GAB4: variants seen among roughly 807,000 people sequenced by gnomAD.
The protein encoded by GAB4 is GRB2 associated binding protein family member 4, also known as GRB2-associated-binding protein 4.
Under a neutral mutation model 51.3 loss-of-function variants are expected in GAB4, and 26 were observed. The ratio of observed to expected loss-of-function variants is 0.51; its 90% CI spans 0.37 to 0.70. The LOEUF is 0.70. GAB4 is among the 30% of genes least tolerant of loss of function. The pLI is 0.00. For missense variants in GAB4, 759 were observed against 734.6 expected (o/e 1.03, Z -0.38); for synonymous variants, 329 against 291.2 (o/e 1.13, Z -1.32).
chr22:16,993,350 A>T (rs1015880751), intron 1 of GAB4, among the ~76,000 whole-genome samples: 6 of 152,146 alleles, frequency 3.9e-5, no homozygotes, highest in African/African-American at 1.4e-4. Context: ...TATTATGCAA[A>T]CAAACTCGAA....
chr22:17,008,190 C>T lies in GAB4; in HGVS notation c.-76G>A, dbSNP rs1488262023. On this transcript the variant is annotated 5_prime_UTR_variant, in exon 1 of 10. Transcript: ENST00000400588. Reference sequence around the variant, plus strand: ...GCTGGAGGTGGGGTGTGAGGGACGGCTTGCGATACCCTGGGACTGCGGGGT... The same window carrying T: ...GCTGGAGGTGGGGTGTGAGGGACGGTTTGCGATACCCTGGGACTGCGGGGT... The T allele has an allele frequency of 1.7e-5, 18 of 1,047,838 alleles. No homozygotes were observed. Among genetic ancestry groups the T allele is most frequent in the Admixed American group, 1.0e-4 (5 of 47,784 alleles). 64.9% of individuals were successfully genotyped at this position (1,047,838 alleles called of 1,614,324 possible). A position where few individuals can be genotyped will look rare whatever the true frequency, so the allele number is the denominator to read the frequency against.
In GAB4 at chr22:16,965,182, T is replaced by A; in HGVS notation, c.1375A>T (p.Thr459Ser). 1 of 1,611,466 alleles carries A rather than the reference T, an allele frequency of 6.2e-7. No individual in the cohort carries two copies. Among genetic ancestry groups the A allele is most frequent in the Non-Finnish European group, 8.5e-7 (1 of 1,178,288 alleles). The change falls in exon 7 of 10, where the codon ACC (threonine) becomes TCC (serine). Residue 459 changes from threonine (T) to serine (S), a missense_variant. Physicochemically the swap from Thr to Ser is moderately conservative, Grantham distance 58 (BLOSUM62 1). Around this residue, in one of 3 missense-constraint regions of GAB4, gnomAD observed 588 missense variants for 510.2 expected, o/e 1.15. Transcript: ENST00000400588. The stretch of plus-strand genomic sequence containing the variant: ...TTTCCACTGACAGACACTCACCTGG[T>A]CCCAGACCAGGGCTCTGTGACAGGT... ...KPPVTEPWSGTSHTFDSSSSQ... is the reference protein window; with the variant it reads ...KPPVTEPWSGSSHTFDSSSSQ...
At chr22:17,007,276 G>C (rs1194486093) in intron 1 of GAB4, among the ~76,000 whole-genome samples, 5 of 152,186 alleles carry the variant, frequency 3.3e-5, no homozygotes, top group African/African-American at 7.2e-5. Context: ...CTAGGGGAAA[G>C]GGCAACCAAT....
chr22:16,966,084 AT>A lies in GAB4; in HGVS notation c.1288+15del. On this transcript the variant is annotated intron_variant, in intron 6 of 9. Transcript: ENST00000400588. ...TCCCTGGACATTGTCAAGAAATAGAATGGGGAAAGACTTACCCTTCTGGTTA... is the reference window on the plus strand; with the variant it reads ...TCCCTGGACATTGTCAAGAAATAGAAGGGGAAAGACTTACCCTTCTGGTTA... 6.2e-7 allele frequency: 1 copy of A among 1,611,900 alleles called. No individual in the cohort carries two copies.
At chr22:16,999,595 C>T (rs1569111268) in intron 1 of GAB4, among the ~76,000 whole-genome samples, 1 of 152,144 alleles carries the variant, frequency 6.6e-6, no homozygotes. Context: ...AAACCAGCTC[C>T]TGGATTAATT....
intron 3 of GAB4, among the ~76,000 whole-genome samples, chr22:16,971,735 A>G (rs1468186328): frequency 1.3e-5 from 2 of 152,192 alleles, no homozygotes; most frequent in Non-Finnish European, 2.9e-5. Context: ...GAACTGCCTC[A>G]CTGGTATGCT....
chr22:16,963,910 G>A, intron 8 of GAB4, 81 bp from the exon 9 acceptor site: 1 of 1,077,726 alleles, frequency 9.3e-7, no homozygotes, highest in Non-Finnish European at 1.4e-6. Flanking sequence ...TGTGGGCGTA[G>A]CTACGAGCCC....
At position 16,962,776 on chromosome 22, in the gene GAB4, C is replaced by A; in HGVS notation, c.1682G>T (p.Cys561Phe). ...GGGAGGCTCTGAGGACTGCCGCAGG[C>A]ACATCTGTTCATGCATGGTCTTCTG... ...ALQKTMHEQM[C>F]LRQSSEPPRG... The change falls in exon 10 of 10, where the codon TGC becomes TTC. Residue 561 changes from cysteine to phenylalanine, a missense_variant. By Grantham distance (205) the Cys-to-Phe change is radical (BLOSUM62 -2). Coordinates refer to ENST00000400588, the MANE Select transcript of GAB4 (RefSeq NM_001037814.1). 1 of 1,613,464 alleles carries A rather than the reference C, an allele frequency of 6.2e-7. No individual in the cohort carries two copies.
intron 3 of GAB4, among the ~76,000 whole-genome samples, chr22:16,978,069 A>G (rs1404188911): frequency 8.8e-5 from 5 of 56,662 alleles, no homozygotes; most frequent in Non-Finnish European, 1.5e-4. Flanking sequence ...AAGGCCCATA[A>G]GAGAAAGCAG....
rs1342056241 is a variant in GAB4, at chr22:16,965,249, G to T, written c.1308C>A (p.Asn436Lys). The change falls in exon 7 of 10, where the codon AAC (asparagine) becomes AAA (lysine). Residue 436 changes from asparagine to lysine, a missense_variant. Coordinates refer to ENST00000400588, the MANE Select transcript of GAB4 (RefSeq NM_001037814.1). The part of the protein sequence containing the change: ...PNQKANPTPP[N>K]LRNNRVINEL... ...CATTGATGACCCTGTTGTTTCTCAG[G>T]TTGGGCGGTGTTGGGTTGGCTGGAG... The T allele has an allele frequency of 1.2e-6, 2 of 1,614,016 alleles. No individual in the cohort carries two copies. Among genetic ancestry groups the T allele is most frequent in the South Asian group, 2.2e-5 (2 of 91,050 alleles).
At chr22:16,991,781 G>T in intron 2 of GAB4, 92 bp downstream of exon 2, 2 of 1,088,428 alleles carry the variant, frequency 1.8e-6, no homozygotes, top group Non-Finnish European at 2.7e-6. Context: ...ACACTTCTTG[G>T]CAGTGTTGGC....
intron 3 of GAB4, among the ~76,000 whole-genome samples, chr22:16,985,555 T>C (rs975330475): frequency 6.6e-6 from 1 of 152,234 alleles, no homozygotes; most frequent in Non-Finnish European, 1.5e-5. Flanking sequence ...GCCACTACCA[T>C]CAGAAACAAT....
At chr22:16,976,014 C>G (rs567251977) in intron 3 of GAB4, among the ~76,000 whole-genome samples, 1 of 152,122 alleles carries the variant, frequency 6.6e-6, no homozygotes, top group African/African-American at 2.4e-5. Context: ...ACACAAAAAC[C>G]CTATCCGAAG....
At chr22:17,002,282 C>T (rs373708697) in intron 1 of GAB4, among the ~76,000 whole-genome samples, 15 of 151,584 alleles carry the variant, frequency 9.9e-5, no homozygotes, top group East Asian at 5.9e-4. Context: ...TTGGAACCTC[C>T]GTTTTCAACA....
intron 1 of GAB4, among the ~76,000 whole-genome samples, chr22:17,006,775 C>T (rs113351939): frequency 3.3e-5 from 5 of 152,262 alleles, no homozygotes; most frequent in African/African-American, 1.2e-4. Context: ...CAAACACCGC[C>T]ATGTTCTCAC....
Position 16,965,288 on chromosome 22 carries a change from T to C in GAB4, c.1289-20A>G, listed in dbSNP as rs775052138. ...GGTTGGCTGGAGCAGGAAAAGAACC[T>C]TGTCATCAGCCAGTGATGACACCAC... On this transcript the variant is annotated intron_variant, in intron 6 of 9. Transcript: ENST00000400588. 3.1e-6 allele frequency: 5 copies of C among 1,599,710 alleles called. No individual in the cohort carries two copies. The highest frequency in any genetic ancestry group is 4.3e-6 in the Non-Finnish European group (5 of 1,167,562).
At chr22:16,970,325 G>A (rs1391890295) in intron 3 of GAB4, 132 bp from the exon 4 acceptor site, 2 of 987,076 alleles carry the variant, frequency 2.0e-6, no homozygotes, top group African/African-American at 3.2e-5. Flanking sequence ...GAATTGGGCA[G>A]ACCTGAGGTT....
At chr22:16,968,781 A>G (rs2060704563) in intron 4 of GAB4, among the ~76,000 whole-genome samples, 1 of 152,218 alleles carries the variant, frequency 6.6e-6, no homozygotes, top group Non-Finnish European at 1.5e-5. Flanking sequence ...CATGTTTTAT[A>G]TATACCTCTA....
intron 1 of GAB4, among the ~76,000 whole-genome samples, chr22:17,004,940 C>G (rs970864428): frequency 6.6e-6 from 1 of 152,174 alleles, no homozygotes. Flanking sequence ...AAAACCGGCA[C>G]AAGACAAGGA....
Sources: allele counts gnomAD v4.1 joint callset (sites outside exome capture counted in the v4.1 genomes callset), GRCh38; gene constraint gnomAD v4.1.1; regional missense constraint gnomAD v4.1.1; transcripts MANE v1.5; gene names NCBI Gene and HGNC (gene_info 2026-07-23, HGNC 2026-07-21).